The following CHD9 variants were observed in gnomAD, a reference collection of about 807,000 sequenced individuals.
The protein encoded by CHD9 is chromodomain helicase DNA binding protein 9, also known as ATP-dependent chromatin remodeler CHD9.
A neutral mutation model predicts 316.1 loss-of-function variants in CHD9; 77 were observed. That is an observed-to-expected ratio of 0.24 (90% confidence interval 0.20 to 0.29). The LOEUF is 0.29. Among genes scored for constraint, CHD9 ranks in the 10% least tolerant of loss-of-function variants. The pLI, the probability that CHD9 is intolerant of heterozygous loss-of-function variation, is 1.00. For synonymous variants in CHD9, 1,129 were observed against 1,158.3 expected, an observed-to-expected ratio of 0.97 and a Z score of 0.51; for missense variants, 2,763 against 3,438.1, an observed-to-expected ratio of 0.80 and a Z score of 4.91.
intron 1 of CHD9, among the ~76,000 whole-genome samples, chr16:53,077,928 G>C (rs1197100877): frequency 4.6e-5 from 7 of 152,080 alleles, no homozygotes; most frequent in Non-Finnish European, 8.8e-5. Context: ...ACAAAAATTA[G>C]CCAGGCATGG....
chr16:53,119,193 G>A (rs915889442), intron 1 of CHD9, among the ~76,000 whole-genome samples: 2 of 152,092 alleles, frequency 1.3e-5, no homozygotes, highest in African/African-American at 4.8e-5. Flanking sequence ...TATGGTAATG[G>A]TATCACATAT....
At chr16:53,082,394 C>G (rs540394050) in intron 1 of CHD9, among the ~76,000 whole-genome samples, 1 of 152,262 alleles carries the variant, frequency 6.6e-6, no homozygotes, top group Non-Finnish European at 1.5e-5. Flanking sequence ...TTTGCCGCCA[C>G]ACCCAACTAA....
chr16:53,154,195 G>T (rs1015681812), intron 1 of CHD9, among the ~76,000 whole-genome samples: 1 of 152,072 alleles, frequency 6.6e-6, no homozygotes, highest in Non-Finnish European at 1.5e-5. Flanking sequence ...TTGATAAAAA[G>T]TAAGAATTCT....
In CHD9 at chr16:53,152,796, G is replaced by T. The variant is rs143911802; in HGVS notation, c.-164-3130G>T. Among the ~76,000 whole-genome samples, 420 of 152,290 alleles carry T rather than the reference G, an allele frequency of 2.8e-3. 2 individuals are homozygous for T. The highest frequency in any genetic ancestry group is 9.8e-3 in the African/African-American group (407 of 41,552). ...AGTGATATATAATTAATAGATGTAA[G>T]TTAGGGAATTGCCAATATAGAGATT... is the stretch of plus-strand genomic sequence containing the variant. On this transcript the variant is annotated intron_variant, in intron 1 of 38. Coordinates refer to ENST00000447540, the MANE Select transcript of CHD9 (RefSeq NM_001308319.2).
chr16:53,185,723 C>T (rs1053722115), intron 2 of CHD9, among the ~76,000 whole-genome samples: 5 of 152,208 alleles, frequency 3.3e-5, no homozygotes, highest in African/African-American at 4.8e-5. Context: ...CTGCTGTGTG[C>T]AGCCTTGGGA....
intron 2 of CHD9, among the ~76,000 whole-genome samples, chr16:53,161,806 G>A (rs958683758): frequency 2.0e-5 from 3 of 152,088 alleles, no homozygotes; most frequent in Non-Finnish European, 4.4e-5. Context: ...TGGTTGGAGT[G>A]CAGTGGTAGA....
intron 2 of CHD9, among the ~76,000 whole-genome samples, chr16:53,200,098 G>C (rs987525478): frequency 2.6e-5 from 4 of 151,964 alleles, no homozygotes; most frequent in African/African-American, 9.7e-5. Context: ...ATGAGGCTGG[G>C]CACGGTGGCT....
chr16:53,228,252 T>C (rs1220175449), intron 7 of CHD9, among the ~76,000 whole-genome samples: 1 of 152,016 alleles, frequency 6.6e-6, no homozygotes, highest in East Asian at 1.9e-4. Context: ...CTAATCTACT[T>C]ACAGTCCCAG....
chr16:53,125,171 C>T (rs537389318), intron 1 of CHD9, among the ~76,000 whole-genome samples: 57 of 150,942 alleles, frequency 3.8e-4, no homozygotes, highest in South Asian at 4.2e-4. Context: ...TACACTAAAC[C>T]CTTATCAGAT....
intron 4 of CHD9, 142 bp from the exon 5 acceptor site, chr16:53,226,224 A>G (rs1050794502): frequency 3.3e-5 from 17 of 516,654 alleles, no homozygotes; most frequent in Non-Finnish European, 5.5e-5. Context: ...TCCTCTAATT[A>G]AAAACAAAAT....
At chr16:53,305,654 G>T (rs1567661059) in intron 31 of CHD9, among the ~76,000 whole-genome samples, 1 of 152,172 alleles carries the variant, frequency 6.6e-6, no homozygotes, top group African/African-American at 2.4e-5. Context: ...CATGACAAAT[G>T]CTTGTCAGCA....
chr16:53,184,893 C>T (rs2043852584), intron 2 of CHD9, among the ~76,000 whole-genome samples: 1 of 152,136 alleles, frequency 6.6e-6, no homozygotes, highest in Non-Finnish European at 1.5e-5. Flanking sequence ...GCTTGGCTGT[C>T]ATTTTCTCTC....
At chr16:53,272,243 T>TAA (rs59376664) in intron 22 of CHD9, among the ~76,000 whole-genome samples, 10 of 146,736 alleles carry the variant, frequency 6.8e-5, no homozygotes, top group Non-Finnish European at 9.1e-5. Context: ...TCAATTGGAA[T>TAA]AAAAAAAAAG....
intron 34 of CHD9, among the ~76,000 whole-genome samples, chr16:53,313,561 C>T (rs1452046200): frequency 6.6e-6 from 1 of 152,098 alleles, no homozygotes; most frequent in African/African-American, 2.4e-5. Flanking sequence ...CCACCTCGTC[C>T]TTCCAAAGTG....
rs1567551753 is a variant in CHD9, at chr16:53,245,920, A to C, written c.3454+70A>C. ...ATACTAATGAATAAATAAACAGAAC[A>C]CACTACAGCTGTAGTGGCTGTTATG... On this transcript the variant is annotated intron_variant, in intron 15 of 38. Coordinates refer to ENST00000447540, the MANE Select transcript of CHD9 (RefSeq NM_001308319.2). This position sits in a 1 kb window ranked among gnomAD's most constrained non-coding sequence, Gnocchi z 4.1. 8.8e-7 allele frequency: 1 copy of C among 1,130,160 alleles called. No individual in the cohort carries two copies. Among genetic ancestry groups the C allele is most frequent in the Non-Finnish European group, 1.2e-6 (1 of 834,388 alleles). 70.0% of individuals were successfully genotyped at this position (1,130,160 alleles called of 1,614,324 possible).
At position 53,267,364 on chromosome 16, in the gene CHD9, T is replaced by G; in HGVS notation, c.4391T>G (p.Leu1464Trp). The G allele has an allele frequency of 6.2e-7, 1 of 1,612,726 alleles. No homozygotes were observed. Among genetic ancestry groups the G allele is most frequent in the Non-Finnish European group, 8.5e-7 (1 of 1,179,178 alleles). Residue 1464 changes from leucine to tryptophan, a missense_variant, in exon 21 of 39, where the codon TTG becomes TGG. Transcript: ENST00000447540. ...TRPFSATKDE[L>W]AELSEAESEG... Reference sequence around the variant, plus strand: ...CCTTTTAGTGCCACAAAAGATGAATTGGCTGAATTATCTGAAGCTGAAAGT... The same window carrying G: ...CCTTTTAGTGCCACAAAAGATGAATGGGCTGAATTATCTGAAGCTGAAAGT...
chr16:53,161,255 C>A (rs2041890472), intron 2 of CHD9, among the ~76,000 whole-genome samples: 1 of 152,106 alleles, frequency 6.6e-6, no homozygotes, highest in Non-Finnish European at 1.5e-5. Context: ...TTTATATGTA[C>A]TGAATTATAG....
intron 1 of CHD9, among the ~76,000 whole-genome samples, chr16:53,140,474 A>T (rs1227058740): frequency 2.0e-5 from 3 of 152,040 alleles, no homozygotes; most frequent in Non-Finnish European, 4.4e-5. Context: ...AATGTTCAGG[A>T]CCACTTCAGT....
intron 1 of CHD9, among the ~76,000 whole-genome samples, chr16:53,092,246 T>C (rs576543619): frequency 1.3e-5 from 2 of 152,200 alleles, no homozygotes; most frequent in South Asian, 4.1e-4. Flanking sequence ...TTGGAAGCTG[T>C]GTTGCTTTGG....
Sources: gnomAD v4.1 joint callset for allele counts (sites outside exome capture counted in the v4.1 genomes callset) on GRCh38, gnomAD v4.1.1 for gene constraint, Gnocchi (gnomAD v3.1) non-coding constraint, MANE v1.5 for transcripts, NCBI Gene and HGNC (gene_info 2026-07-23, HGNC 2026-07-21) for gene names.